The following SPEN variants were observed in gnomAD, a reference collection of about 807,000 sequenced individuals.
SPEN encodes spen family transcriptional repressor.
SPEN carries 18 observed loss-of-function variants against 269.9 expected under a neutral mutation model. The ratio of observed to expected loss-of-function variants is 0.07; its 90% confidence interval spans 0.05 to 0.10. SPEN has a LOEUF of 0.10. SPEN is among the 10% of genes least tolerant of loss of function. The pLI is 1.00. For synonymous variants in SPEN, 1,726 were observed against 1,765.7 expected, an observed-to-expected ratio of 0.98 and a Z score of 0.56; for missense variants, 3,822 against 4,631.2, an observed-to-expected ratio of 0.83 and a Z score of 5.07.
intron 10 of SPEN, among the ~76,000 whole-genome samples, chr1:15,925,641 C>G (rs1261793015): frequency 6.7e-6 from 1 of 148,766 alleles, no homozygotes; most frequent in East Asian, 1.9e-4. Context: ...GTTGATCCTG[C>G]CAGTCTTGAA....
At position 15,929,469 on chromosome 1, in the gene SPEN, G is replaced by A; in HGVS notation, c.3229G>A (p.Gly1077Ser). The A allele has an allele frequency of 6.2e-7, 1 of 1,613,420 alleles. No individual in the cohort carries two copies. Among genetic ancestry groups the A allele is most frequent in the Non-Finnish European group, 8.5e-7 (1 of 1,179,676 alleles). ...QELASISVGS[G>S]SRPSSDLQAR... ...GCTTGCCAGTATTTCTGTTGGGTCT[G>A]GCTCAAGGCCCAGCTCAGACCTACA... The change falls in exon 11 of 15, where the codon GGC (glycine) becomes AGC (serine). Residue 1077 changes from glycine to serine, a missense_variant. Coordinates refer to ENST00000375759, the MANE Select transcript of SPEN (RefSeq NM_015001.3). The surrounding 1 kb of genome is among the most constrained non-coding windows in gnomAD (Gnocchi z 5.8).
Position 15,847,952 on chromosome 1 carries a change from G to C in SPEN, c.-116G>C, listed in dbSNP as rs1414771762. Reference sequence around the variant, plus strand: ...CGGAGGAGCCGCCGCCGCTGCCGACGCCACCGCCGCAGCCGCCGCCGCCGC... The same window carrying C: ...CGGAGGAGCCGCCGCCGCTGCCGACCCCACCGCCGCAGCCGCCGCCGCCGC... On this transcript the variant is annotated 5_prime_UTR_variant, in exon 1 of 15. Coordinates refer to ENST00000375759, the MANE Select transcript of SPEN (RefSeq NM_015001.3). 9.1e-5 allele frequency: 44 copies of C among 482,788 alleles called. No individual in the cohort carries two copies. The highest frequency in any genetic ancestry group is 1.4e-4 in the Non-Finnish European group (44 of 311,090). 29.9% of individuals were successfully genotyped at this position (482,788 alleles called of 1,614,324 possible). A position where few individuals can be genotyped will look rare whatever the true frequency, so the allele number is the denominator to read the frequency against.
intron 2 of SPEN, chr1:15,874,313 G>T (rs1189674689): frequency 8.8e-6 from 12 of 1,366,348 alleles, no homozygotes; most frequent in Non-Finnish European, 1.2e-5. Flanking sequence ...CCATAAGAGG[G>T]GCCAAAATTG....
At position 15,853,877 on chromosome 1, in the gene SPEN, C is replaced by T. The variant is rs146415106; in HGVS notation, c.83+5727C>T. On this transcript the variant is annotated intron_variant, in intron 1 of 14. Coordinates refer to ENST00000375759, the MANE Select transcript of SPEN (RefSeq NM_015001.3). ...AGAGACGGGGTTTCACTATGTCGGCCAGGCTGGTCTCACTCCTGATCTCGT... is the reference window on the plus strand; with the variant it reads ...AGAGACGGGGTTTCACTATGTCGGCTAGGCTGGTCTCACTCCTGATCTCGT... Among the ~76,000 whole-genome samples the T allele has an allele frequency of 6.5e-3, 985 of 152,232 alleles. 23 individuals are homozygous for T. Among genetic ancestry groups the T allele is most frequent in the East Asian group, 0.047 (243 of 5,166 alleles).
At chr1:15,855,778 G>T (rs953443267) in intron 1 of SPEN, among the ~76,000 whole-genome samples, 11 of 151,090 alleles carry the variant, frequency 7.3e-5, no homozygotes, top group Admixed American at 2.6e-4. Context: ...CAGGAGAATC[G>T]CTTGAACCCA....
At chr1:15,887,132 C>T (rs1185386333) in intron 3 of SPEN, among the ~76,000 whole-genome samples, 8 of 151,916 alleles carry the variant, frequency 5.3e-5, no homozygotes, top group East Asian at 1.9e-4. Context: ...CACACCACCA[C>T]GCTGGGCTAA....
intron 1 of SPEN, among the ~76,000 whole-genome samples, chr1:15,866,958 T>C (rs1230387716): frequency 6.6e-6 from 1 of 152,240 alleles, no homozygotes; most frequent in Non-Finnish European, 1.5e-5. Flanking sequence ...AGGTATTTTT[T>C]GTATTTTTGA....
intron 1 of SPEN, among the ~76,000 whole-genome samples, chr1:15,864,440 G>A (rs1402622097): frequency 1.3e-5 from 2 of 149,204 alleles, no homozygotes; most frequent in African/African-American, 4.9e-5. Context: ...AAAGTGTTGG[G>A]ATTATAGGCG....
chr1:15,934,631 G>A lies in SPEN; in HGVS notation c.8391G>A (p.Pro2797=), dbSNP rs748760637. 83 of 1,613,756 alleles carry A rather than the reference G, an allele frequency of 5.1e-5. No homozygotes were observed. Among genetic ancestry groups the A allele is most frequent in the East Asian group, 4.7e-4 (21 of 44,872 alleles). ...PGSMPVIDDR[P]ADAGSGAGLR... is the part of the protein sequence containing the mutation. Reference sequence around the variant, plus strand: ...CCATGCCTGTGATCGACGATCGTCCGGCAGACGCGGGCTCAGGGGCGGGGC... The same window carrying A: ...CCATGCCTGTGATCGACGATCGTCCAGCAGACGCGGGCTCAGGGGCGGGGC... Residue 2797 remains proline (P), a synonymous_variant, in exon 11 of 15, where the codon CCG becomes CCA. Coordinates refer to ENST00000375759, the MANE Select transcript of SPEN (RefSeq NM_015001.3). This position sits in a 1 kb window ranked among gnomAD's most constrained non-coding sequence, Gnocchi z 9.2.
At chr1:15,896,494 C>G (rs867239859) in intron 3 of SPEN, among the ~76,000 whole-genome samples, 24 of 152,178 alleles carry the variant, frequency 1.6e-4, no homozygotes, top group Middle Eastern at 3.4e-3. Flanking sequence ...CTATGCCCAG[C>G]CTTTACCATC....
At chr1:15,865,419 T>C (rs2070494756) in intron 1 of SPEN, among the ~76,000 whole-genome samples, 1 of 127,588 alleles carries the variant, frequency 7.8e-6, no homozygotes, top group South Asian at 2.5e-4. Context: ...GGTATATGCC[T>C]GTTTTTTTTT....
At chr1:15,857,531 ATTT>A (rs993440308) in intron 1 of SPEN, among the ~76,000 whole-genome samples, 45 of 150,964 alleles carry the variant, frequency 3.0e-4, no homozygotes, top group African/African-American at 1.1e-3. Flanking sequence ...TAGTTTTTGT[ATTT>A]TTAGTAGAGA....
At chr1:15,904,977 C>T (rs2070941466) in intron 3 of SPEN, among the ~76,000 whole-genome samples, 1 of 151,266 alleles carries the variant, frequency 6.6e-6, no homozygotes, top group Non-Finnish European at 1.5e-5. Context: ...CGACCTCTGC[C>T]TCTTGGGTTC....
At chr1:15,881,038 T>C (rs2070682891) in intron 3 of SPEN, among the ~76,000 whole-genome samples, 1 of 152,194 alleles carries the variant, frequency 6.6e-6, no homozygotes, top group South Asian at 2.1e-4. Flanking sequence ...CCCAGGCTGC[T>C]GGAGTGCAGT....
intron 1 of SPEN, among the ~76,000 whole-genome samples, chr1:15,854,291 C>A (rs1364860505): frequency 6.6e-6 from 1 of 151,992 alleles, no homozygotes; most frequent in Non-Finnish European, 1.5e-5. Context: ...ATATATTAGC[C>A]TGCTGAACAA....
intron 1 of SPEN, among the ~76,000 whole-genome samples, chr1:15,863,684 C>CA (rs2070469308): frequency 6.6e-6 from 1 of 151,784 alleles, no homozygotes; most frequent in African/African-American, 2.4e-5. Flanking sequence ...CTATGGAAAA[C>CA]AAAAACATCA....
intron 3 of SPEN, among the ~76,000 whole-genome samples, chr1:15,892,012 C>CTTTTTTTTTTT (rs71003216): frequency 1.2e-4 from 9 of 74,566 alleles, no homozygotes; most frequent in African/African-American, 2.8e-4. Flanking sequence ...TTTCTTTTTA[C>CTTTTTTTTTTT]TTTTTTTTTT....
chr1:15,889,164 C>CTTTTTTTTTTTT (rs56721891), intron 3 of SPEN, among the ~76,000 whole-genome samples: 2 of 124,926 alleles, frequency 1.6e-5, no homozygotes, highest in South Asian at 2.5e-4. Context: ...CTTTTCTTTT[C>CTTTTTTTTTTTT]TTTTTTTTTT....
intron 2 of SPEN, chr1:15,873,883 A>T: frequency 2.7e-6 from 3 of 1,099,180 alleles, no homozygotes; most frequent in Non-Finnish European, 2.2e-6. Context: ...TAGCCCAGGG[A>T]AAGAGGATTA....
Sources: allele counts gnomAD v4.1 joint callset (sites outside exome capture counted in the v4.1 genomes callset), GRCh38; gene constraint gnomAD v4.1.1; non-coding constraint Gnocchi (gnomAD v3.1); transcripts MANE v1.5; gene names NCBI Gene and HGNC (gene_info 2026-07-23, HGNC 2026-07-21).